The following BABAM2 variants were observed in gnomAD, a reference collection of about 807,000 sequenced individuals.
BABAM2 encodes BRISC and BRCA1 A complex member 2.
Under a neutral mutation model 54.7 loss-of-function variants are expected in BABAM2, and 31 were observed. That is an observed-to-expected ratio of 0.57 (90% CI 0.43 to 0.77). The LOEUF (loss-of-function observed/expected upper bound fraction) is 0.77. Ranked by LOEUF, BABAM2 falls within the 30% of genes least tolerant of loss-of-function variation. BABAM2 has a pLI of 0.00. For missense variants in BABAM2, 364 were observed against 455.8 expected (o/e 0.80, Z 1.83); for synonymous variants, 167 against 162.9 (o/e 1.03, Z -0.19).
At chr2:28,336,064 G>A (rs1225965756) in intron 11 of BABAM2, among the ~76,000 whole-genome samples, 2 of 152,214 alleles carry the variant, frequency 1.3e-5, no homozygotes, top group African/African-American at 4.8e-5. Context: ...AGAGTTTGGA[G>A]GACATTAAGG....
Position 28,045,787 on chromosome 2 carries a change from A to G in BABAM2, c.558A>G (p.Thr186=), listed in dbSNP as rs1326159736. 7 of 1,608,010 alleles carry G rather than the reference A, an allele frequency of 4.4e-6. No homozygotes were observed. The highest frequency in any genetic ancestry group is 2.2e-5 in the East Asian group (1 of 44,786). The part of the protein sequence containing the change: ...KLPVDFSNIP[T]YLLKDVNEDP... Reference sequence around the variant, plus strand: ...CCGTAGATTTCAGCAATATCCCCACATACCTTCTCAAGGTAAAAATATATG... The same window carrying G: ...CCGTAGATTTCAGCAATATCCCCACGTACCTTCTCAAGGTAAAAATATATG... Residue 186 remains threonine, a synonymous_variant, in exon 6 of 12, where the codon ACA becomes ACG. Coordinates refer to ENST00000379624, the MANE Select transcript of BABAM2 (RefSeq NM_199191.3).
chr2:28,196,281 T>C (rs549564828), intron 7 of BABAM2, among the ~76,000 whole-genome samples: 4 of 143,724 alleles, frequency 2.8e-5, no homozygotes, highest in East Asian at 1.9e-4. Context: ...GAGCTGAGAT[T>C]GTGCCACTGC....
intron 2 of BABAM2, among the ~76,000 whole-genome samples, chr2:27,922,697 A>G (rs957355777): frequency 6.6e-6 from 1 of 152,216 alleles, no homozygotes; most frequent in Non-Finnish European, 1.5e-5. Flanking sequence ...ACACCAAGAT[A>G]TGTTTTTTGT....
At chr2:28,146,571 C>A (rs1671513061) in intron 7 of BABAM2, among the ~76,000 whole-genome samples, 1 of 152,124 alleles carries the variant, frequency 6.6e-6, no homozygotes, top group Admixed American at 6.5e-5. Context: ...ACATGAATCA[C>A]AGACAAGGAA....
intron 10 of BABAM2, among the ~76,000 whole-genome samples, chr2:28,267,302 G>A (rs946284544): frequency 3.3e-5 from 5 of 152,132 alleles, no homozygotes; most frequent in Non-Finnish European, 7.4e-5. Flanking sequence ...TCAAGAGGCA[G>A]AACAACTCCA....
At chr2:28,174,102 G>A (rs946478428) in intron 7 of BABAM2, among the ~76,000 whole-genome samples, 2 of 152,042 alleles carry the variant, frequency 1.3e-5, no homozygotes, top group Admixed American at 6.5e-5. Flanking sequence ...AAATAAAATC[G>A]CTCAAGCTAG....
intron 3 of BABAM2, among the ~76,000 whole-genome samples, chr2:27,975,267 G>A (rs1159574744): frequency 6.6e-6 from 1 of 151,854 alleles, no homozygotes; most frequent in Non-Finnish European, 1.5e-5. Flanking sequence ...AATTTACGTG[G>A]GAAGCAAAGA....
chr2:28,111,203 G>A (rs1277215611), intron 6 of BABAM2, among the ~76,000 whole-genome samples: 1 of 148,258 alleles, frequency 6.7e-6, no homozygotes, highest in Admixed American at 6.8e-5. Context: ...GGCTGGTCTC[G>A]AACCCCTGAC....
At chr2:28,052,704 C>T (rs1274882841) in intron 6 of BABAM2, among the ~76,000 whole-genome samples, 1 of 152,106 alleles carries the variant, frequency 6.6e-6, no homozygotes, top group Non-Finnish European at 1.5e-5. Context: ...CTGGAAAAGC[C>T]CATTTCAAGT....
intron 6 of BABAM2, among the ~76,000 whole-genome samples, chr2:28,071,341 C>T (rs1664123622): frequency 6.6e-6 from 1 of 152,138 alleles, no homozygotes; most frequent in East Asian, 1.9e-4. Flanking sequence ...CTTGTAGTTT[C>T]CCACAGTCTA....
chr2:27,927,875 A>G (rs1219667939), intron 2 of BABAM2, among the ~76,000 whole-genome samples: 2 of 140,638 alleles, frequency 1.4e-5, no homozygotes, highest in African/African-American at 5.3e-5. Context: ...ACAGAGTCTC[A>G]CTCTGTCACC....
At chr2:28,103,451 G>C (rs1201264665) in intron 6 of BABAM2, among the ~76,000 whole-genome samples, 1 of 152,090 alleles carries the variant, frequency 6.6e-6, no homozygotes, top group African/African-American at 2.4e-5. Context: ...TGACACTATA[G>C]ACACATGCCA....
chr2:27,967,286 G>A (rs776669510), intron 3 of BABAM2, among the ~76,000 whole-genome samples: 3 of 152,228 alleles, frequency 2.0e-5, no homozygotes, highest in East Asian at 1.9e-4. Flanking sequence ...TGCTGTTCTC[G>A]TGATGCTGAA....
At chr2:28,013,203 A>G (rs897910152) in intron 4 of BABAM2, among the ~76,000 whole-genome samples, 5 of 152,200 alleles carry the variant, frequency 3.3e-5, no homozygotes, top group Admixed American at 6.5e-5. Flanking sequence ...TTACTTGCCT[A>G]TGGAGGAAAC....
intron 7 of BABAM2, among the ~76,000 whole-genome samples, chr2:28,180,916 T>C (rs10172741): frequency 0.48 from 73,612 of 152,028 alleles, 18,498 homozygotes; most frequent in Middle Eastern, 0.62. Context: ...GAGATAGCAT[T>C]TTATCCCAGG....
chr2:27,997,052 T>C (rs1673203878), intron 4 of BABAM2, among the ~76,000 whole-genome samples: 1 of 152,108 alleles, frequency 6.6e-6, no homozygotes, highest in African/African-American at 2.4e-5. Flanking sequence ...ACAATGTACA[T>C]GTATTACACC....
chr2:28,337,751 G>A (rs1020224804), intron 11 of BABAM2, among the ~76,000 whole-genome samples: 19 of 152,220 alleles, frequency 1.2e-4, no homozygotes, highest in Non-Finnish European at 2.4e-4. Flanking sequence ...TTGGGAGGCC[G>A]AGGCAGGAGG....
At chr2:27,901,346 G>C (rs1573119869) in intron 2 of BABAM2, among the ~76,000 whole-genome samples, 1 of 152,102 alleles carries the variant, frequency 6.6e-6, no homozygotes, top group East Asian at 1.9e-4. Flanking sequence ...AAGCAGAGAG[G>C]GCTCACTGCA....
intron 6 of BABAM2, among the ~76,000 whole-genome samples, chr2:28,062,759 T>C (rs960606953): frequency 3.3e-5 from 5 of 152,160 alleles, no homozygotes; most frequent in African/African-American, 9.7e-5. Flanking sequence ...ATCTAGGGCT[T>C]AGTATCATTG....
Sources: allele counts gnomAD v4.1 joint callset (sites outside exome capture counted in the v4.1 genomes callset), GRCh38; gene constraint gnomAD v4.1.1; transcripts MANE v1.5; gene names NCBI Gene and HGNC (gene_info 2026-07-23, HGNC 2026-07-21).